The following HIPK2 variants were observed in gnomAD, a reference collection of about 807,000 sequenced individuals.
The protein encoded by HIPK2 is homeodomain-interacting protein kinase 2.
A neutral mutation model predicts 113.7 loss-of-function variants in HIPK2; 27 were observed. That is an observed-to-expected ratio of 0.24 (90% CI 0.17 to 0.33). HIPK2 has a LOEUF of 0.33. Ranked by LOEUF, HIPK2 falls within the 10% of genes least tolerant of loss-of-function variation. The pLI is 1.00. For synonymous variants in HIPK2, 631 were observed against 642.2 expected, an observed-to-expected ratio of 0.98 and a Z score of 0.26; for missense variants, 1,257 against 1,588.0, an observed-to-expected ratio of 0.79 and a Z score of 3.54.
intron 13 of HIPK2, among the ~76,000 whole-genome samples, chr7:139,583,176 A>C (rs1220020778): frequency 6.6e-6 from 1 of 152,264 alleles, no homozygotes; most frequent in Non-Finnish European, 1.5e-5. Flanking sequence ...GGGAAACGCT[A>C]AATAGATGCT....
intron 1 of HIPK2, among the ~76,000 whole-genome samples, chr7:139,740,610 A>T (rs1237399656): frequency 6.6e-6 from 1 of 152,192 alleles, no homozygotes. Context: ...GAAATCAGAG[A>T]GCAACTAGAC....
intron 2 of HIPK2, among the ~76,000 whole-genome samples, chr7:139,654,469 C>T (rs949998248): frequency 1.3e-5 from 2 of 152,096 alleles, no homozygotes; most frequent in Non-Finnish European, 2.9e-5. Context: ...GTCATGATCA[C>T]GCCACTGCAC....
chr7:139,562,095 T>G lies in HIPK2; in HGVS notation c.*10832A>C, dbSNP rs1797964204. 6.6e-6 allele frequency: 1 copy of G among 152,118 alleles called. No homozygotes were observed. The highest frequency in any genetic ancestry group is 2.1e-4 in the South Asian group (1 of 4,818). The allele number at this position is 152,118 out of a possible 1,614,324, so 9.4% of individuals were successfully genotyped here. A position where few individuals can be genotyped will look rare whatever the true frequency, so the allele number is the denominator to read the frequency against. On this transcript the variant is annotated 3_prime_UTR_variant, in exon 15 of 15. Coordinates refer to ENST00000406875, the MANE Select transcript of HIPK2 (RefSeq NM_022740.5). Reference sequence around the variant, plus strand: ...TACATATAGGTCTACAACACATTGGTTTGTCTTTAAAAAAACAAAAGTAGA... The same window carrying G: ...TACATATAGGTCTACAACACATTGGGTTGTCTTTAAAAAAACAAAAGTAGA...
rs1798268640 is a variant in HIPK2 at position 139,571,292 on chromosome 7, TGA to T, written c.*1633_*1634del. The T allele has an allele frequency of 6.6e-6, 1 of 152,318 alleles. No homozygotes were observed. Among genetic ancestry groups the T allele is most frequent in the South Asian group, 2.1e-4 (1 of 4,836 alleles). The allele number at this position is 152,318 out of a possible 1,614,324, so 9.4% of individuals were successfully genotyped here. On this transcript the variant is annotated 3_prime_UTR_variant, in exon 15 of 15. Transcript: ENST00000406875. ...GAGAGAGTGGAGCCCCGGGCGAGGC[TGA>T]GAGCTCCAGGCTCTCGTGGAGGCGG...
intron 1 of HIPK2, among the ~76,000 whole-genome samples, chr7:139,750,985 C>T (rs1796269252): frequency 6.6e-6 from 1 of 152,150 alleles, no homozygotes; most frequent in Admixed American, 6.5e-5. Context: ...ATCTGTAATT[C>T]TTTTTCTTCC....
intron 2 of HIPK2, among the ~76,000 whole-genome samples, chr7:139,709,922 G>A (rs759724946): frequency 6.6e-6 from 1 of 152,164 alleles, no homozygotes; most frequent in Non-Finnish European, 1.5e-5. Flanking sequence ...TGCAATCAAA[G>A]CATCGGAAAA....
chr7:139,715,968 G>A lies in HIPK2; in HGVS notation c.1067C>T (p.Ala356Val). 1 of 1,614,150 alleles carries A rather than the reference G, an allele frequency of 6.2e-7. No homozygotes were observed. Among genetic ancestry groups the A allele is most frequent in the East Asian group, 2.2e-5 (1 of 44,886 alleles). ...DFGSASHVSK[A>V]VCSTYLQSRY... ...GGACTGCAAGTAGGTGGAGCACACA[G>A]CCTTGGAGACGTGGCTGGCTGAACC... Residue 356 changes from alanine (A) to valine (V), a missense_variant, in exon 2 of 15, where the codon GCT becomes GTT. Physicochemically the swap from Ala to Val is moderately conservative, Grantham distance 64 (BLOSUM62 0). Coordinates refer to ENST00000406875, the MANE Select transcript of HIPK2 (RefSeq NM_022740.5).
At chr7:139,644,503 A>G (rs532489530) in intron 2 of HIPK2, among the ~76,000 whole-genome samples, 6 of 152,384 alleles carry the variant, frequency 3.9e-5, no homozygotes, top group South Asian at 4.1e-4. Flanking sequence ...CGCAAAGGCC[A>G]GAGGCTGGGA....
chr7:139,763,654 CAG>C, intron 1 of HIPK2, among the ~76,000 whole-genome samples: 1 of 152,298 alleles, frequency 6.6e-6, no homozygotes, highest in South Asian at 2.1e-4. Context: ...GCAGTGGAGA[CAG>C]AAATGGATGG....
chr7:139,661,087 A>G (rs561251261), intron 2 of HIPK2, among the ~76,000 whole-genome samples: 2 of 152,200 alleles, frequency 1.3e-5, no homozygotes, highest in African/African-American at 4.8e-5. Context: ...TCTATTGCCA[A>G]TTTCCTTGGT....
At chr7:139,730,035 G>T (rs545335581) in intron 1 of HIPK2, among the ~76,000 whole-genome samples, 1 of 152,184 alleles carries the variant, frequency 6.6e-6, no homozygotes, top group African/African-American at 2.4e-5. Flanking sequence ...GCCTGGCAAC[G>T]GAAGGTAAGC....
Position 139,773,629 on chromosome 7 carries a change from G to C in HIPK2, c.19+3976C>G, listed in dbSNP as rs1262418580. Among the ~76,000 whole-genome samples the C allele has an allele frequency of 2.0e-5, 3 of 152,232 alleles. No individual in the cohort carries two copies. In the East Asian group the frequency reaches 5.8e-4, roughly 29 times the overall value. On this transcript the variant is annotated intron_variant, in intron 1 of 14. Transcript: ENST00000406875. ...TCTATGGGAGGAAGGGAGAGAGAGAGAGATGAAGAAATATAAAACATAAAA... is the reference window on the plus strand; with the variant it reads ...TCTATGGGAGGAAGGGAGAGAGAGACAGATGAAGAAATATAAAACATAAAA...
intron 1 of HIPK2, among the ~76,000 whole-genome samples, chr7:139,746,323 C>T (rs1474693135): frequency 6.6e-6 from 1 of 152,164 alleles, no homozygotes; most frequent in African/African-American, 2.4e-5. Flanking sequence ...TCCTTCAAAC[C>T]CCAGATCAAA....
chr7:139,703,935 ACAC>A (rs1248703243), intron 2 of HIPK2, among the ~76,000 whole-genome samples: 8 of 106,196 alleles, frequency 7.5e-5, no homozygotes, highest in Non-Finnish European at 1.5e-4. Flanking sequence ...CTCCACACCC[ACAC>A]TATATCCAAC....
chr7:139,706,295 G>A (rs1021064015), intron 2 of HIPK2, among the ~76,000 whole-genome samples: 3 of 152,176 alleles, frequency 2.0e-5, no homozygotes, highest in East Asian at 3.8e-4. Context: ...CCCAAGAGGC[G>A]GAAGCGGGCG....
At position 139,710,033 on chromosome 7, in the gene HIPK2, T is replaced by C. The variant is rs1795015909; in HGVS notation, c.1103+5899A>G. On this transcript the variant is annotated intron_variant, in intron 2 of 14. Coordinates refer to ENST00000406875, the MANE Select transcript of HIPK2 (RefSeq NM_022740.5). ...CTTCATTCCTGAGTAACAACAGTTG[T>C]CTCCTAGCCTCTGGCTCTCAAAACA... Among the ~76,000 whole-genome samples the C allele has an allele frequency of 1.3e-5, 2 of 152,186 alleles. 1 individual carries two copies. Among genetic ancestry groups the C allele is most frequent in the Non-Finnish European group, 2.9e-5 (2 of 68,034 alleles).
In HIPK2 at chr7:139,571,592, C is replaced by G. The variant is rs1798282045; in HGVS notation, c.*1335G>C. 1 of 152,170 alleles carries G rather than the reference C, an allele frequency of 6.6e-6. No individual in the cohort carries two copies. The highest frequency in any genetic ancestry group is 2.1e-4 in the South Asian group (1 of 4,828). The allele number at this position is 152,170 out of a possible 1,614,324, so 9.4% of individuals were successfully genotyped here. On this transcript the variant is annotated 3_prime_UTR_variant, in exon 15 of 15. Transcript: ENST00000406875. The stretch of plus-strand genomic sequence containing the variant: ...ACTCTCTCCTAGCTCCTGCTGGCTT[C>G]CCTGGCATCCTTCCGCTAGCAAACA...
intron 9 of HIPK2, among the ~76,000 whole-genome samples, chr7:139,607,964 C>A (rs963430349): frequency 2.0e-5 from 3 of 152,116 alleles, no homozygotes; most frequent in Non-Finnish European, 4.4e-5. Flanking sequence ...ATGGCCAGGG[C>A]ACAGTGGCTC....
chr7:139,635,824 G>A (rs551657561), intron 2 of HIPK2, among the ~76,000 whole-genome samples: 2 of 152,172 alleles, frequency 1.3e-5, no homozygotes, highest in South Asian at 2.1e-4. Context: ...ATGCTCTAGC[G>A]GCTCCCACGT....
Sources: allele counts gnomAD v4.1 joint callset (sites outside exome capture counted in the v4.1 genomes callset), GRCh38; gene constraint gnomAD v4.1.1; transcripts MANE v1.5; gene names NCBI Gene and HGNC (gene_info 2026-07-23, HGNC 2026-07-21).